ABCA13: variants seen among roughly 807,000 people sequenced by gnomAD.
ABCA13 encodes the protein ATP-binding cassette sub-family A member 13.
Under a neutral mutation model 478.7 loss-of-function variants are expected in ABCA13, and 476 were observed. The observed-to-expected ratio is 0.99, with a 90% CI of 0.92 to 1.07. The LOEUF is 1.07. Ranked by LOEUF, ABCA13 falls within the 50% of genes least tolerant of loss-of-function variation. The pLI, the probability that ABCA13 is intolerant of heterozygous loss-of-function variation, is 0.00. For synonymous variants in ABCA13, 2,252 were observed against 2,158.9 expected (o/e 1.04, Z -1.20); for missense variants, 6,060 against 5,910.6 (o/e 1.03, Z -0.83).
chr7:48,204,203 C>A (rs1372451535), intron 3 of ABCA13, among the ~76,000 whole-genome samples: 14 of 151,102 alleles, frequency 9.3e-5, no homozygotes, highest in Admixed American at 9.2e-4. Context: ...ACCTCCGCCT[C>A]CTAGACTTAT....
chr7:48,608,778 G>A (rs151267501), intron 58 of ABCA13, among the ~76,000 whole-genome samples: 275 of 152,306 alleles, frequency 1.8e-3, no homozygotes, highest in African/African-American at 6.2e-3. Flanking sequence ...CCTAAGTTTA[G>A]CAATTTGTCA....
In ABCA13 at chr7:48,275,174, A is replaced by T; in HGVS notation, c.5508A>T (p.Ser1836=). The T allele has an allele frequency of 6.2e-7, 1 of 1,613,928 alleles. No individual in the cohort carries two copies. The highest frequency in any genetic ancestry group is 1.1e-5 in the South Asian group (1 of 91,078). ...NHTNSGFRQN[S]KIDPCNVHGL... ...CAAATTCTGGATTTCGGCAGAATTC[A>T]AAGATAGACCCCTGCAATGTCCATG... Residue 1836 remains serine (S), a synonymous_variant, in exon 17 of 62, where the codon TCA becomes TCT. Transcript: ENST00000435803.
chr7:48,393,296 G>T (rs941042473), intron 38 of ABCA13, among the ~76,000 whole-genome samples: 36 of 152,202 alleles, frequency 2.4e-4, no homozygotes, highest in Non-Finnish European at 2.2e-4. Context: ...TCTGTCCTGT[G>T]CTGGGCTCTG....
intron 46 of ABCA13, among the ~76,000 whole-genome samples, chr7:48,481,672 ATT>A: frequency 1.2e-5 from 1 of 85,528 alleles, no homozygotes; most frequent in Non-Finnish European, 2.5e-5. Flanking sequence ...CACCTGGCTA[ATT>A]TTTTTGTATT....
intron 15 of ABCA13, among the ~76,000 whole-genome samples, chr7:48,261,621 T>A (rs1195577427): frequency 6.6e-6 from 1 of 152,002 alleles, no homozygotes; most frequent in African/African-American, 2.4e-5. Context: ...TTTTAAATCA[T>A]ATTTTTAATT....
At position 48,508,032 on chromosome 7, in the gene ABCA13, A is replaced by G. The variant is rs751651953; in HGVS notation, c.13507A>G (p.Asn4503Asp). ...GLGYRMYWFTNFLYDMLFYLV... is the reference protein window; with the variant it reads ...GLGYRMYWFTDFLYDMLFYLV... ...TGGCTACAGGATGTACTGGTTCACAAACTTCCTATATGACATGGTAGGATT... is the reference window on the plus strand; with the variant it reads ...TGGCTACAGGATGTACTGGTTCACAGACTTCCTATATGACATGGTAGGATT... Residue 4503 changes from asparagine to aspartate, a missense_variant, in exon 50 of 62, where the codon AAC (asparagine) becomes GAC (aspartate). This residue lies in a region of ABCA13 where 1,627 missense variants were observed against 1,571.0 expected (regional missense o/e 1.04). Transcript: ENST00000435803. The G allele has an allele frequency of 1.2e-6, 2 of 1,613,870 alleles. No homozygotes were observed. The highest frequency in any genetic ancestry group is 1.7e-6 in the Non-Finnish European group (2 of 1,179,836).
At chr7:48,366,060 T>C (rs1811617687) in intron 31 of ABCA13, among the ~76,000 whole-genome samples, 2 of 151,988 alleles carry the variant, frequency 1.3e-5, no homozygotes, top group Non-Finnish European at 2.9e-5. Flanking sequence ...GGAAAAAAAA[T>C]GAAGCTGGAG....
intron 23 of ABCA13, among the ~76,000 whole-genome samples, chr7:48,302,079 G>C (rs141683895): frequency 6.6e-6 from 1 of 152,320 alleles, no homozygotes; most frequent in African/African-American, 2.4e-5. Flanking sequence ...ATGTGATGCT[G>C]TGGAAGTCAC....
chr7:48,621,349 T>C (rs1793112088), intron 59 of ABCA13, among the ~76,000 whole-genome samples: 1 of 152,224 alleles, frequency 6.6e-6, no homozygotes, highest in Admixed American at 6.5e-5. Context: ...AGTGTTCTGC[T>C]CCTAGAGAGC....
intron 55 of ABCA13, among the ~76,000 whole-genome samples, chr7:48,563,929 A>G (rs972070420): frequency 3.9e-5 from 6 of 152,076 alleles, no homozygotes; most frequent in South Asian, 2.1e-4. Flanking sequence ...ATAACTCTAT[A>G]TAATGCTTGG....
chr7:48,467,143 A>G, intron 44 of ABCA13, 98 bp downstream of exon 44: 1 of 1,186,432 alleles, frequency 8.4e-7, no homozygotes, highest in Non-Finnish European at 1.3e-6. Flanking sequence ...ATTTCATGTC[A>G]CAAGTTTATG....
intron 42 of ABCA13, among the ~76,000 whole-genome samples, chr7:48,435,354 G>A (rs1419426679): frequency 6.6e-6 from 1 of 151,746 alleles, no homozygotes; most frequent in African/African-American, 2.4e-5. Flanking sequence ...TATTGATTTT[G>A]TATCCTGAAA....
rs1289510495 is a variant in ABCA13, at chr7:48,580,268, T to C, written c.14399T>C (p.Ile4800Thr). ...TCTGCTGGCACGGCAGGCGTGCTCA[T>C]TGGCTACTGTCCCCAGCAGGATGCC... is the stretch of plus-strand genomic sequence containing the variant. Reference protein sequence around the residue: ...LSSAGTAGVLIGYCPQQDALD... With the variant: ...LSSAGTAGVLTGYCPQQDALD... The change falls in exon 56 of 62, where the codon ATT becomes ACT. Residue 4800 changes from isoleucine (I) to threonine (T), a missense_variant. Physicochemically the swap from Ile to Thr is moderately conservative, Grantham distance 89 (BLOSUM62 -1). Transcript: ENST00000435803. The C allele has an allele frequency of 1.9e-6, 3 of 1,611,580 alleles. No individual in the cohort carries two copies. The highest frequency in any genetic ancestry group is 2.5e-6 in the Non-Finnish European group (3 of 1,179,054).
chr7:48,477,533 A>G (rs1828251777), intron 45 of ABCA13, among the ~76,000 whole-genome samples: 1 of 152,110 alleles, frequency 6.6e-6, no homozygotes. Context: ...AATGTGGCAC[A>G]TATACACCAT....
chr7:48,610,994 T>G (rs1397084176), intron 58 of ABCA13, among the ~76,000 whole-genome samples: 1 of 152,226 alleles, frequency 6.6e-6, no homozygotes, highest in Non-Finnish European at 1.5e-5. Context: ...TTGTCTTGGC[T>G]ATTAACATTC....
intron 11 of ABCA13, 77 bp downstream of exon 11, chr7:48,244,780 C>A: frequency 6.7e-7 from 1 of 1,486,036 alleles, no homozygotes; most frequent in South Asian, 1.3e-5. Flanking sequence ...GGACTTGAAA[C>A]TGCCTGACAC....
chr7:48,507,836 G>C (rs753863620), intron 49 of ABCA13, 36 bp from the exon 50 acceptor site: 3 of 1,547,206 alleles, frequency 1.9e-6, no homozygotes, highest in East Asian at 2.3e-5. Flanking sequence ...TGTGTTCTTC[G>C]TCAGGTGCCT....
chr7:48,177,619 G>C (rs1251844689), intron 1 of ABCA13, among the ~76,000 whole-genome samples: 2 of 152,194 alleles, frequency 1.3e-5, no homozygotes, highest in Non-Finnish European at 2.9e-5. Context: ...CACTTACACG[G>C]AGGTGACACA....
intron 27 of ABCA13, among the ~76,000 whole-genome samples, chr7:48,330,009 C>G (rs1161640776): frequency 4.0e-5 from 6 of 151,094 alleles, no homozygotes; most frequent in Admixed American, 6.6e-5. Context: ...ATCCATTTAT[C>G]TATTCATCCA....
Sources: gnomAD v4.1 joint callset for allele counts (sites outside exome capture counted in the v4.1 genomes callset) on GRCh38, gnomAD v4.1.1 for gene constraint, gnomAD v4.1.1 regional missense constraint, MANE v1.5 for transcripts, NCBI Gene and HGNC (gene_info 2026-07-23, HGNC 2026-07-21) for gene names.